LRP5: variants seen among roughly 807,000 people sequenced by gnomAD.
LRP5 encodes LDL receptor related protein 5.
LRP5 carries 62 observed loss-of-function variants against 154.1 expected under a neutral mutation model. That is an observed-to-expected ratio of 0.40 (90% CI 0.33 to 0.50). The LOEUF (loss-of-function observed/expected upper bound fraction) is 0.50. Among genes scored for constraint, LRP5 ranks in the 20% least tolerant of loss-of-function variants. LRP5 has a pLI of 0.55. For missense variants in LRP5, 1,915 were observed against 2,336.7 expected, an observed-to-expected ratio of 0.82 and a Z score of 3.72; for synonymous variants, 966 against 1,011.5, an observed-to-expected ratio of 0.96 and a Z score of 0.85.
Position 68,366,163 on chromosome 11 carries a change from C to T in LRP5, c.1015+461C>T, listed in dbSNP as rs555026999. Among the ~76,000 whole-genome samples the T allele has an allele frequency of 9.9e-5, 15 of 152,232 alleles. 1 individual carries two copies. The East Asian group carries it at 2.3e-3, about 24-fold the overall frequency. ...AGCCAGTCTGGCCTCTGGGGCTGAC[C>T]CTGGGGCCTGGCAAGCGAGGGGGTA... On this transcript the variant is annotated intron_variant, in intron 5 of 22. Transcript: ENST00000294304.
chr11:68,410,049 G>A lies in LRP5; in HGVS notation c.2227G>A (p.Glu743Lys), dbSNP rs2098658550. The A allele has an allele frequency of 1.2e-6, 2 of 1,614,046 alleles. No individual in the cohort carries two copies. The highest frequency in any genetic ancestry group is 1.7e-6 in the Non-Finnish European group (2 of 1,179,984). Residue 743 changes from glutamate to lysine, a missense_variant, in exon 10 of 23, where the codon GAA (glutamate) becomes AAA (lysine). By Grantham distance (56) the Glu-to-Lys change is moderately conservative. Around this residue, in one of 3 missense-constraint regions of LRP5, gnomAD observed 773 missense variants for 1,100.9 expected, o/e 0.70. Coordinates refer to ENST00000294304, the MANE Select transcript of LRP5 (RefSeq NM_002335.4). ...GGCCGACACTGGGACCAACAGAATC[G>A]AAGTGGCGCGGCTGGACGGGCAGTT... The part of the protein sequence containing the change: ...YWADTGTNRI[E>K]VARLDGQFRQ...
At chr11:68,435,560 C>T (rs922777620) in intron 18 of LRP5, among the ~76,000 whole-genome samples, 2 of 152,074 alleles carry the variant, frequency 1.3e-5, no homozygotes, top group Non-Finnish European at 2.9e-5. Context: ...TAACCAGCTC[C>T]CATGTGAACT....
intron 5 of LRP5, among the ~76,000 whole-genome samples, chr11:68,371,816 C>T (rs995590693): frequency 3.9e-5 from 6 of 152,266 alleles, no homozygotes; most frequent in Admixed American, 1.3e-4. Flanking sequence ...CCTCACCAGC[C>T]GGGATGTCAG....
At chr11:68,404,991 A>AC (rs2098654737) in intron 8 of LRP5, among the ~76,000 whole-genome samples, 2 of 150,924 alleles carry the variant, frequency 1.3e-5, no homozygotes, top group African/African-American at 4.9e-5. Flanking sequence ...AAAAAAAAAA[A>AC]AGTCCAAAAA....
intron 5 of LRP5, among the ~76,000 whole-genome samples, chr11:68,378,354 G>GC (rs904389842): frequency 6.6e-6 from 1 of 151,952 alleles, no homozygotes; most frequent in Non-Finnish European, 1.5e-5. Context: ...GGCTTCTTTC[G>GC]CCCCATCCCT....
chr11:68,407,243 A>G (rs1249242269), intron 9 of LRP5, among the ~76,000 whole-genome samples: 1 of 150,006 alleles, frequency 6.7e-6, no homozygotes, highest in Non-Finnish European at 1.5e-5. Context: ...AGCTCAGCTC[A>G]CTGCAACCTC....
intron 1 of LRP5, among the ~76,000 whole-genome samples, chr11:68,324,041 T>TCCTGACCTGCCATGCAGGGCCC (rs1220055438): frequency 1.3e-5 from 2 of 152,238 alleles, no homozygotes; most frequent in African/African-American, 2.4e-5. Context: ...GGTCAGGGAC[T>TCCTGACCTGCCATGCAGGGCCC]CCTGACCTGC....
intron 17 of LRP5, among the ~76,000 whole-genome samples, chr11:68,431,393 C>T (rs1044962142): frequency 3.3e-5 from 5 of 151,996 alleles, no homozygotes; most frequent in African/African-American, 1.2e-4. Context: ...GCTCCCACCA[C>T]CACGCCCGGC....
intron 1 of LRP5, among the ~76,000 whole-genome samples, chr11:68,343,648 C>T (rs2098610453): frequency 6.6e-6 from 1 of 152,030 alleles, no homozygotes; most frequent in Non-Finnish European, 1.5e-5. Flanking sequence ...CCGCGGGTGT[C>T]CTTGTTGGTG....
At position 68,328,943 on chromosome 11, in the gene LRP5, G is replaced by A. The variant is rs1282840642; in HGVS notation, c.91+16138G>A. Among the ~76,000 whole-genome samples the A allele has an allele frequency of 3.9e-5, 6 of 152,170 alleles. No homozygotes were observed. In the East Asian group the frequency reaches 7.7e-4, roughly 20 times the overall value. On this transcript the variant is annotated intron_variant, in intron 1 of 22. Coordinates refer to ENST00000294304, the MANE Select transcript of LRP5 (RefSeq NM_002335.4). ...ACAGACCTTCCTCGGCTGCTCTGTC[G>A]CTTTGTGACTTGAGACTGCGTGGGT... is the stretch of plus-strand genomic sequence containing the variant.
intron 7 of LRP5, among the ~76,000 whole-genome samples, chr11:68,391,279 A>G (rs931196800): frequency 1.3e-5 from 2 of 149,478 alleles, no homozygotes; most frequent in Non-Finnish European, 1.5e-5. Context: ...TCTGTTGAGC[A>G]TATTTTGAGG....
intron 5 of LRP5, among the ~76,000 whole-genome samples, chr11:68,381,276 T>TG (rs950926784): frequency 2.0e-4 from 30 of 151,916 alleles, no homozygotes; most frequent in African/African-American, 5.8e-4. Flanking sequence ...TTAGGGTGTG[T>TG]GGGGGGGTGC....
chr11:68,409,208 T>TGAATATATAATATATAATATA, intron 9 of LRP5, among the ~76,000 whole-genome samples: 1 of 88,380 alleles, frequency 1.1e-5, no homozygotes, highest in Non-Finnish European at 2.3e-5. Flanking sequence ...TATTTATAAG[T>TGAATATATAATATATAATATA]AAATATATAA....
intron 8 of LRP5, among the ~76,000 whole-genome samples, chr11:68,405,723 G>A (rs2098655277): frequency 6.6e-6 from 1 of 152,216 alleles, no homozygotes; most frequent in African/African-American, 2.4e-5. Flanking sequence ...AATTTTAACA[G>A]CACTTTGGTT....
In LRP5 at chr11:68,363,894, C is replaced by G. The variant is rs2098629387; in HGVS notation, c.834C>G (p.Leu278=). 1 of 1,612,474 alleles carries G rather than the reference C, an allele frequency of 6.2e-7. No homozygotes were observed. The highest frequency in any genetic ancestry group is 1.3e-5 in the African/African-American group (1 of 74,668). Residue 278 remains leucine, a synonymous_variant, in exon 4 of 23, where the codon CTC becomes CTG. Coordinates refer to ENST00000294304, the MANE Select transcript of LRP5 (RefSeq NM_002335.4). ...AGAGGAAGGAGATCCTGAGTGCCCT[C>G]TACTCACCCATGGACATCCAGGTGC... ...GGKRKEILSA[L]YSPMDIQVLS...
Position 68,312,633 on chromosome 11 carries a change from C to G in LRP5, c.-82C>G. 2 of 597,298 alleles carry G rather than the reference C, an allele frequency of 3.3e-6. No individual in the cohort carries two copies. The highest frequency in any genetic ancestry group is 4.2e-6 in the Non-Finnish European group (2 of 475,568). 37.0% of individuals were successfully genotyped at this position (597,298 alleles called of 1,614,324 possible). A position where few individuals can be genotyped will look rare whatever the true frequency, so the allele number is the denominator to read the frequency against. ...CGCCCGAGGGGGGAGGCGGAGGCGCCGGGAGCCGCGCGAGGAGCCGCCGCC... is the reference window on the plus strand; with the variant it reads ...CGCCCGAGGGGGGAGGCGGAGGCGCGGGGAGCCGCGCGAGGAGCCGCCGCC... On this transcript the variant is annotated 5_prime_UTR_variant, in exon 1 of 23. Coordinates refer to ENST00000294304, the MANE Select transcript of LRP5 (RefSeq NM_002335.4).
intron 1 of LRP5, among the ~76,000 whole-genome samples, chr11:68,333,757 A>G (rs1250493992): frequency 2.6e-5 from 4 of 152,232 alleles, no homozygotes; most frequent in African/African-American, 7.2e-5. Flanking sequence ...GCCTGTATGC[A>G]AAACATAATA....
chr11:68,403,417 G>T, intron 7 of LRP5, 66 bp from the exon 8 acceptor site: 1 of 1,448,522 alleles, frequency 6.9e-7, no homozygotes, highest in Non-Finnish European at 9.7e-7. Flanking sequence ...CCCCAGGCAG[G>T]GTCCGGGTTG....
At chr11:68,315,165 C>T (rs1326097114) in intron 1 of LRP5, among the ~76,000 whole-genome samples, 2 of 152,192 alleles carry the variant, frequency 1.3e-5, no homozygotes, top group Non-Finnish European at 2.9e-5. Context: ...GGCACCATAC[C>T]TAGTTTCTGT....
Sources: allele counts gnomAD v4.1 joint callset (sites outside exome capture counted in the v4.1 genomes callset), GRCh38; gene constraint gnomAD v4.1.1; regional missense constraint gnomAD v4.1.1; transcripts MANE v1.5; gene names NCBI Gene and HGNC (gene_info 2026-07-23, HGNC 2026-07-21).